POPDC2: variants seen among roughly 807,000 people sequenced by gnomAD.
POPDC2 encodes the protein popeye domain cAMP effector 2.
Under a neutral mutation model 30.5 loss-of-function variants are expected in POPDC2, and 24 were observed. The observed-to-expected ratio is 0.79, with a 90% CI of 0.57 to 1.11. The LOEUF is 1.11. Among genes scored for constraint, POPDC2 ranks in the 50% least tolerant of loss-of-function variants. The probability of loss-of-function intolerance (pLI) is 0.00; values close to 1 mark genes in which losing one functional copy is unlikely to be tolerated. For synonymous variants in POPDC2, 185 were observed against 183.3 expected (o/e 1.01, Z -0.07); for missense variants, 409 against 447.0 (o/e 0.91, Z 0.77).
chr3:119,660,335 T>C lies in POPDC2; in HGVS notation c.89A>G (p.Tyr30Cys). ...GAGTAAGAGGCAGTTGGCTAGGTGG[T>C]AGACAGCCCCTTCCACATCCTGCTT... ...RWKQDVEGAVYHLANCLLLLG... is the reference protein window; with the variant it reads ...RWKQDVEGAVCHLANCLLLLG... The change falls in exon 1 of 4, where the codon TAC becomes TGC. Residue 30 changes from tyrosine to cysteine, a missense_variant. Transcript: ENST00000493094. The C allele has an allele frequency of 6.2e-7, 1 of 1,614,126 alleles. No individual in the cohort carries two copies.
intron 2 of POPDC2, among the ~76,000 whole-genome samples, chr3:119,649,062 T>TTACA: frequency 6.6e-6 from 1 of 152,220 alleles, no homozygotes; most frequent in African/African-American, 2.4e-5. Flanking sequence ...GTGGTTGAAA[T>TTACA]GCTGACAACT....
At chr3:119,645,955 T>G (rs909165364) in intron 3 of POPDC2, among the ~76,000 whole-genome samples, 4 of 152,188 alleles carry the variant, frequency 2.6e-5, no homozygotes, top group Non-Finnish European at 5.9e-5. Context: ...AAAAGTCACA[T>G]ATTTGATTAG....
rs554747665 is a variant in POPDC2, at chr3:119,657,788, C to T, written c.491+2145G>A. 7.9e-5 allele frequency among the ~76,000 whole-genome samples: 12 copies of T among 152,300 alleles called. No homozygotes were observed. In the East Asian group the frequency reaches 2.3e-3, roughly 29 times the overall value. On this transcript the variant is annotated intron_variant, in intron 1 of 3. Coordinates refer to ENST00000493094, the MANE Select transcript of POPDC2 (RefSeq NM_001369919.2). ...CTGTGCCCTTTATCATCTGTTTCTTCTTCCTTCTTGATCTACTGGAAGATG... is the reference window on the plus strand; with the variant it reads ...CTGTGCCCTTTATCATCTGTTTCTTTTTCCTTCTTGATCTACTGGAAGATG...
At chr3:119,659,319 C>T (rs75513446) in intron 1 of POPDC2, among the ~76,000 whole-genome samples, 3,067 of 152,244 alleles carry the variant, frequency 0.02, 43 homozygotes, top group Middle Eastern at 0.071. Context: ...TCAAGAACCT[C>T]AATAGAACAA....
At chr3:119,655,296 C>T (rs2052867305) in intron 1 of POPDC2, among the ~76,000 whole-genome samples, 1 of 152,136 alleles carries the variant, frequency 6.6e-6, no homozygotes, top group African/African-American at 2.4e-5. Flanking sequence ...CACTGCACTC[C>T]AGCCTGGGCA....
Position 119,642,305 on chromosome 3 carries a change from C to T in POPDC2, c.*300G>A. On this transcript the variant is annotated 3_prime_UTR_variant, in exon 4 of 4. Coordinates refer to ENST00000493094, the MANE Select transcript of POPDC2 (RefSeq NM_001369919.2). Reference sequence around the variant, plus strand: ...GGAAGGTTTGTGAGGGTGAATTTCTCAAAGTCACTTCAGGTCCTTACTGTA... The same window carrying T: ...GGAAGGTTTGTGAGGGTGAATTTCTTAAAGTCACTTCAGGTCCTTACTGTA... The T allele has an allele frequency of 2.0e-6, 1 of 494,180 alleles. No individual in the cohort carries two copies. Among genetic ancestry groups the T allele is most frequent in the Non-Finnish European group, 3.7e-6 (1 of 271,234 alleles). 30.6% of individuals were successfully genotyped at this position (494,180 alleles called of 1,614,324 possible).
chr3:119,654,721 C>G lies in POPDC2; in HGVS notation c.492-108G>C, dbSNP rs1005011207. 4.9e-6 allele frequency: 4 copies of G among 808,154 alleles called. No individual in the cohort carries two copies. In the East Asian group the frequency reaches 1.0e-4, roughly 21 times the overall value. 50.1% of individuals were successfully genotyped at this position (808,154 alleles called of 1,614,324 possible). On this transcript the variant is annotated intron_variant, in intron 1 of 3. Coordinates refer to ENST00000493094, the MANE Select transcript of POPDC2 (RefSeq NM_001369919.2). ...TAACATGAATCTTCCTGTAGAAATA[C>G]TTTGCCTAAAGCATGGTAAAACCCA...
chr3:119,649,007 T>C (rs1459625679), intron 2 of POPDC2, among the ~76,000 whole-genome samples: 1 of 152,228 alleles, frequency 6.6e-6, no homozygotes, highest in Non-Finnish European at 1.5e-5. Context: ...CTGAGTCTTA[T>C]GATTTTAAGA....
In POPDC2 at chr3:119,660,009, T is replaced by A. The variant is rs763883422; in HGVS notation, c.415A>T (p.Thr139Ser). The A allele has an allele frequency of 6.2e-6, 10 of 1,614,006 alleles. No individual in the cohort carries two copies. Among genetic ancestry groups the A allele is most frequent in the East Asian group, 2.2e-5 (1 of 44,870 alleles). Residue 139 changes from threonine (T) to serine (S), a missense_variant, in exon 1 of 4, where the codon ACT (threonine) becomes TCT (serine). Thr to Ser is a moderately conservative substitution (Grantham distance 58). Transcript: ENST00000493094. ...IVHCCEEQVLTLATEQTYAVE... is the reference protein window; with the variant it reads ...IVHCCEEQVLSLATEQTYAVE... ...GCATAGGTCTGTTCAGTGGCCAGAG[T>A]TAAGACCTGCTCCTCGCAGCAGTGA...
rs990933430 is a variant in POPDC2, at chr3:119,658,527, C to G, written c.491+1406G>C. On this transcript the variant is annotated intron_variant, in intron 1 of 3. Transcript: ENST00000493094. ...GCTGCTCTCAATTTCCTCCTTTGAA[C>G]AGACGAGCTATAACATCATGGGTCT... 3.9e-5 allele frequency among the ~76,000 whole-genome samples: 6 copies of G among 152,242 alleles called. No individual in the cohort carries two copies. In the South Asian group the frequency reaches 1.2e-3, roughly 31 times the overall value.
chr3:119,660,428 G>A lies in POPDC2; in HGVS notation c.-5C>T, dbSNP rs886183275. 3.1e-6 allele frequency: 5 copies of A among 1,608,078 alleles called. No homozygotes were observed. In the African/African-American group the frequency reaches 5.4e-5, roughly 17 times the overall value. ...TCTGCTGCTGTTGGCGCTCATCTTTGGGGCCTCTCAAAGCCTCACTGGGCT... is the reference window on the plus strand; with the variant it reads ...TCTGCTGCTGTTGGCGCTCATCTTTAGGGCCTCTCAAAGCCTCACTGGGCT... On this transcript the variant is annotated 5_prime_UTR_variant, in exon 1 of 4. Coordinates refer to ENST00000493094, the MANE Select transcript of POPDC2 (RefSeq NM_001369919.2).
intron 2 of POPDC2, among the ~76,000 whole-genome samples, chr3:119,651,729 G>C (rs552048640): frequency 6.9e-6 from 1 of 144,712 alleles, no homozygotes; most frequent in East Asian, 2.2e-4. Context: ...TCCACCTCCC[G>C]GGTTCAAGCA....
rs1049812184 is a variant in POPDC2 at position 119,654,708 on chromosome 3, T to C, written c.492-95A>G. 3.3e-5 allele frequency: 29 copies of C among 872,950 alleles called. No homozygotes were observed. The South Asian group carries it at 4.3e-4, about 13-fold the overall frequency. The allele number at this position is 872,950 out of a possible 1,614,324, so 54.1% of individuals were successfully genotyped here. A position where few individuals can be genotyped will look rare whatever the true frequency, so the allele number is the denominator to read the frequency against. On this transcript the variant is annotated intron_variant, in intron 1 of 3. Transcript: ENST00000493094. ...AGGTGTCGCTGATTAACATGAATCT[T>C]CCTGTAGAAATACTTTGCCTAAAGC...
intron 3 of POPDC2, among the ~76,000 whole-genome samples, chr3:119,644,787 G>A (rs1435607619): frequency 1.3e-5 from 2 of 152,146 alleles, no homozygotes; most frequent in Non-Finnish European, 2.9e-5. Context: ...GGAAATAGAT[G>A]GTGAATGGTG....
chr3:119,649,596 A>C (rs1050383828), intron 2 of POPDC2, among the ~76,000 whole-genome samples: 1 of 152,206 alleles, frequency 6.6e-6, no homozygotes, highest in Non-Finnish European at 1.5e-5. Context: ...TTGGGCTGGC[A>C]GAGTTCATGA....
chr3:119,644,887 T>C (rs1338393576), intron 3 of POPDC2, among the ~76,000 whole-genome samples: 3 of 152,196 alleles, frequency 2.0e-5, no homozygotes, highest in Non-Finnish European at 4.4e-5. Context: ...GCAAGTTTGA[T>C]GGTAAATAAG....
At chr3:119,660,660 C>CA (rs1397124188), upstream of POPDC2, 2 of 296,486 alleles carry the variant, frequency 6.7e-6, no homozygotes, top group Non-Finnish European at 1.2e-5. Flanking sequence ...CCCTCTCCCC[C>CA]CCTCTCTCCT....
chr3:119,648,790 T>A, intron 2 of POPDC2, 122 bp from the exon 3 acceptor site: 1 of 840,578 alleles, frequency 1.2e-6, no homozygotes, highest in Non-Finnish European at 1.8e-6. Flanking sequence ...TGTGTGGGAG[T>A]ACCCCTCTAT....
chr3:119,647,966 G>A (rs920827656), intron 3 of POPDC2, among the ~76,000 whole-genome samples, 153 bp downstream of exon 3: 1 of 152,152 alleles, frequency 6.6e-6, no homozygotes. Context: ...GCATGCACCC[G>A]GAGTGAGTTG....
Sources: gnomAD v4.1 joint callset for allele counts (sites outside exome capture counted in the v4.1 genomes callset) on GRCh38, gnomAD v4.1.1 for gene constraint, MANE v1.5 for transcripts, NCBI Gene and HGNC (gene_info 2026-07-23, HGNC 2026-07-21) for gene names.